Variants in FOXJ3 observed in about 807,000 individuals in gnomAD.
FOXJ3 encodes the protein forkhead box J3, also known as forkhead box protein J3.
In FOXJ3, 22 loss-of-function variants were observed where a neutral mutation model predicts 76.1. That is an observed-to-expected ratio of 0.29 (90% CI 0.21 to 0.41). The LOEUF (loss-of-function observed/expected upper bound fraction) is 0.41. Among genes scored for constraint, FOXJ3 ranks in the 10% least tolerant of loss-of-function variants. The pLI is 1.00. For missense variants in FOXJ3, 613 were observed against 762.1 expected, an observed-to-expected ratio of 0.80 and a Z score of 2.30; for synonymous variants, 269 against 261.2, an observed-to-expected ratio of 1.03 and a Z score of -0.29.
intron 5 of FOXJ3, among the ~76,000 whole-genome samples, chr1:42,223,311 T>C (rs1192067312): frequency 6.6e-6 from 1 of 152,222 alleles, no homozygotes; most frequent in Non-Finnish European, 1.5e-5. Context: ...GTGAAGACTA[T>C]GTACCTTAAC....
intron 5 of FOXJ3, among the ~76,000 whole-genome samples, chr1:42,216,305 T>A (rs1569899444): frequency 6.6e-6 from 1 of 151,722 alleles, no homozygotes; most frequent in Admixed American, 6.6e-5. Context: ...GATCACGAGG[T>A]CAGGAGATCG....
intron 11 of FOXJ3, 36 bp downstream of exon 11, chr1:42,188,701 A>C: frequency 7.2e-7 from 1 of 1,390,056 alleles, no homozygotes; most frequent in Non-Finnish European, 9.6e-7. Flanking sequence ...ACGAATGAGA[A>C]AATGAGAAAA....
intron 11 of FOXJ3, among the ~76,000 whole-genome samples, chr1:42,186,999 C>T (rs1557618700): frequency 6.6e-6 from 1 of 152,170 alleles, no homozygotes; most frequent in African/African-American, 2.4e-5. Flanking sequence ...AGGCATGTGC[C>T]ACCAGGTCCG....
At position 42,324,959 on chromosome 1, in the gene FOXJ3, T is replaced by G. The variant is rs72962235; in HGVS notation, c.-18+10100A>C. 4.6e-3 allele frequency among the ~76,000 whole-genome samples: 672 copies of G among 147,684 alleles called. 5 individuals carry two copies. The highest frequency in any genetic ancestry group is 0.016 in the African/African-American group (651 of 40,268). ...CTACAAGATTATGATGGCTTTGAGG[T>G]CACTAGGCAATAGAAATTTTTCAGC... On this transcript the variant is annotated intron_variant, in intron 1 of 12. Transcript: ENST00000361346.
At chr1:42,267,518 T>C (rs1651556538) in intron 3 of FOXJ3, among the ~76,000 whole-genome samples, 1 of 152,146 alleles carries the variant, frequency 6.6e-6, no homozygotes, top group African/African-American at 2.4e-5. Context: ...ACAAGTACTA[T>C]TTAACTCAAC....
chr1:42,216,667 A>T (rs995373023), intron 5 of FOXJ3, among the ~76,000 whole-genome samples: 2 of 152,244 alleles, frequency 1.3e-5, no homozygotes, highest in Non-Finnish European at 1.5e-5. Flanking sequence ...AACAAAGAGG[A>T]TCTACATGGT....
intron 4 of FOXJ3, among the ~76,000 whole-genome samples, chr1:42,248,343 G>A (rs968070309): frequency 2.6e-5 from 4 of 151,856 alleles, no homozygotes; most frequent in Admixed American, 6.6e-5. Context: ...GACCAACCTC[G>A]CTAACACTGT....
chr1:42,220,530 C>T (rs1278453500), intron 5 of FOXJ3, among the ~76,000 whole-genome samples: 1 of 152,168 alleles, frequency 6.6e-6, no homozygotes, highest in African/African-American at 2.4e-5. Flanking sequence ...CAGCAACTTT[C>T]TCCTCGAGGG....
Position 42,191,824 on chromosome 1 carries a change from C to T in FOXJ3, c.935-105G>A. 4 of 1,205,574 alleles carry T rather than the reference C, an allele frequency of 3.3e-6. No individual in the cohort carries two copies. In the South Asian group the frequency reaches 5.7e-5, roughly 17 times the overall value. 74.7% of individuals were successfully genotyped at this position (1,205,574 alleles called of 1,614,324 possible). ...AAAAGCATATGATGCCAGGAAGCAA[C>T]ACTGGTTCAATTTAATAAGTGTTAA... On this transcript the variant is annotated intron_variant, in intron 8 of 12. Transcript: ENST00000361346.
intron 3 of FOXJ3, among the ~76,000 whole-genome samples, chr1:42,275,702 A>G (rs1196703687): frequency 2.6e-5 from 4 of 152,190 alleles, no homozygotes; most frequent in Non-Finnish European, 2.9e-5. Flanking sequence ...ATTTAAAAAA[A>G]GAAAGTTGAA....
chr1:42,189,533 C>T, intron 9 of FOXJ3, 129 bp from the exon 10 acceptor site: 1 of 640,838 alleles, frequency 1.6e-6, no homozygotes. Flanking sequence ...GGATTTGTAC[C>T]CATTATATCA....
At chr1:42,262,026 A>T (rs1386433792) in intron 4 of FOXJ3, among the ~76,000 whole-genome samples, 1 of 152,150 alleles carries the variant, frequency 6.6e-6, no homozygotes, top group Non-Finnish European at 1.5e-5. Flanking sequence ...CTGTAATTCC[A>T]GGTGATTTGG....
intron 2 of FOXJ3, among the ~76,000 whole-genome samples, chr1:42,307,647 A>T (rs1654547530): frequency 6.6e-6 from 1 of 152,180 alleles, no homozygotes; most frequent in Non-Finnish European, 1.5e-5. Flanking sequence ...TTGAAATGCA[A>T]TTCTACCTAT....
intron 1 of FOXJ3, among the ~76,000 whole-genome samples, chr1:42,322,939 T>C (rs1655517684): frequency 6.6e-6 from 1 of 152,146 alleles, no homozygotes; most frequent in South Asian, 2.1e-4. Context: ...GGGTTTTTCG[T>C]TTTGTTTTAA....
At chr1:42,190,887 T>C (rs531246299) in intron 9 of FOXJ3, among the ~76,000 whole-genome samples, 2 of 152,188 alleles carry the variant, frequency 1.3e-5, no homozygotes, top group Non-Finnish European at 2.9e-5. Context: ...GAATAACTGG[T>C]GTTATAAGCT....
At chr1:42,296,239 C>T (rs910982322) in intron 2 of FOXJ3, among the ~76,000 whole-genome samples, 1 of 152,122 alleles carries the variant, frequency 6.6e-6, no homozygotes, top group African/African-American at 2.4e-5. Context: ...TTCATCCTTT[C>T]TGAAAGTAAT....
intron 2 of FOXJ3, among the ~76,000 whole-genome samples, chr1:42,281,587 AG>A (rs552221881): frequency 4.6e-5 from 7 of 152,352 alleles, no homozygotes; most frequent in African/African-American, 1.7e-4. Context: ...ACTCTAAAAA[AG>A]TGGGGCTTCT....
intron 7 of FOXJ3, among the ~76,000 whole-genome samples, chr1:42,197,581 T>A (rs1332891019): frequency 6.6e-6 from 1 of 152,052 alleles, no homozygotes; most frequent in Non-Finnish European, 1.5e-5. Flanking sequence ...AATATTTGCA[T>A]ATAACCTATC....
At chr1:42,307,902 CAG>C (rs1392418923) in intron 2 of FOXJ3, among the ~76,000 whole-genome samples, 19 of 152,296 alleles carry the variant, frequency 1.2e-4, no homozygotes, top group Admixed American at 1.1e-3. Context: ...ACAATTCTAA[CAG>C]AGTCAGGTTA....
Sources: allele counts gnomAD v4.1 joint callset (sites outside exome capture counted in the v4.1 genomes callset), GRCh38; gene constraint gnomAD v4.1.1; transcripts MANE v1.5; gene names NCBI Gene and HGNC (gene_info 2026-07-23, HGNC 2026-07-21).